MINDY3: variants seen among roughly 807,000 people sequenced by gnomAD.
The protein encoded by MINDY3 is ubiquitin carboxyl-terminal hydrolase MINDY-3.
Under a neutral mutation model 69.2 loss-of-function variants are expected in MINDY3, and 38 were observed. The observed-to-expected ratio is 0.55, with a 90% CI of 0.42 to 0.72. MINDY3 has a LOEUF of 0.72. MINDY3 is among the 30% of genes least tolerant of loss of function. MINDY3 has a pLI of 0.00. For missense variants in MINDY3, 522 were observed against 519.0 expected, an observed-to-expected ratio of 1.01 and a Z score of -0.06; for synonymous variants, 192 against 180.1, an observed-to-expected ratio of 1.07 and a Z score of -0.53.
chr10:15,817,283 A>G (rs1177035909), intron 9 of MINDY3: 1 of 167,750 alleles, frequency 6.0e-6, no homozygotes, highest in Middle Eastern at 2.5e-3. Flanking sequence ...ACTTGACGAT[A>G]ATAACTTTAT....
intron 10 of MINDY3, among the ~76,000 whole-genome samples, chr10:15,802,086 T>TTAATC: frequency 6.6e-6 from 1 of 151,896 alleles, no homozygotes; most frequent in Non-Finnish European, 1.5e-5. Context: ...AAAATATGTG[T>TTAATC]TAATCTACTG....
intron 8 of MINDY3, among the ~76,000 whole-genome samples, chr10:15,830,242 T>C (rs1840363423): frequency 6.6e-6 from 1 of 152,186 alleles, no homozygotes; most frequent in African/African-American, 2.4e-5. Flanking sequence ...GCAGACAAGT[T>C]TGAGAACCAG....
At chr10:15,798,911 T>C (rs1475692967) in intron 10 of MINDY3, among the ~76,000 whole-genome samples, 5 of 152,082 alleles carry the variant, frequency 3.3e-5, no homozygotes, top group African/African-American at 7.2e-5. Flanking sequence ...TCACCTGCTA[T>C]AGAAAGAGCA....
intron 10 of MINDY3, among the ~76,000 whole-genome samples, chr10:15,812,525 T>C (rs1839076910): frequency 6.6e-6 from 1 of 152,186 alleles, no homozygotes; most frequent in Non-Finnish European, 1.5e-5. Context: ...AGAATAGATG[T>C]GGGTCAAAGG....
intron 1 of MINDY3, among the ~76,000 whole-genome samples, chr10:15,854,485 A>G (rs1248105461): frequency 6.6e-6 from 1 of 152,142 alleles, no homozygotes; most frequent in African/African-American, 2.4e-5. Flanking sequence ...GAAGTCCTCA[A>G]TCATTTTTAA....
chr10:15,848,633 C>CAAAAAAAAAAAAAA lies in MINDY3; in HGVS notation c.95-704_95-691dup, dbSNP rs10719399. Among the ~76,000 whole-genome samples, 46 of 48,810 alleles carry CAAAAAAAAAAAAAA rather than the reference C, an allele frequency of 9.4e-4. 2 individuals carry two copies. The highest frequency in any genetic ancestry group is 2.7e-3 in the African/African-American group (19 of 7,164). The allele number at this position is 48,810 out of a possible 152,430, so 32.0% of individuals were successfully genotyped here. A position where few individuals can be genotyped will look rare whatever the true frequency, so the allele number is the denominator to read the frequency against. ...TGGGCCACAGAGCTAGACTTCATCT[C>CAAAAAAAAAAAAAA]AAAAAAAAAAAAAAAAAAAAAAAAA... is the stretch of plus-strand genomic sequence containing the variant. On this transcript the variant is annotated intron_variant, in intron 1 of 14. Transcript: ENST00000277632.
chr10:15,794,303 T>A (rs561701594), intron 11 of MINDY3, among the ~76,000 whole-genome samples: 2 of 152,056 alleles, frequency 1.3e-5, no homozygotes, highest in Non-Finnish European at 2.9e-5. Flanking sequence ...AGCATATCAT[T>A]TGGGGAAAGA....
intron 2 of MINDY3, among the ~76,000 whole-genome samples, chr10:15,844,046 T>C (rs1055839848): frequency 1.3e-5 from 2 of 152,146 alleles, no homozygotes; most frequent in African/African-American, 4.8e-5. Context: ...TTAGGAAGAC[T>C]GCTTTTTATC....
chr10:15,786,754 C>T (rs1199515292), intron 12 of MINDY3, 106 bp from the exon 13 acceptor site: 2 of 701,366 alleles, frequency 2.9e-6, no homozygotes, highest in Non-Finnish European at 5.1e-6. Context: ...CTGCCAAAAA[C>T]ACTAAGAGCT....
chr10:15,789,155 T>C lies in MINDY3; in HGVS notation c.1028+92A>G, dbSNP rs898464893. ...TTGCTATGCTTCATATATGCAGATA[T>C]AGATTTTTAAAAAGGCAAAAAATGT... On this transcript the variant is annotated intron_variant, in intron 12 of 14. Transcript: ENST00000277632. 75 of 868,362 alleles carry C rather than the reference T, an allele frequency of 8.6e-5. No individual in the cohort carries two copies. In the Admixed American group the frequency reaches 1.1e-3, roughly 12 times the overall value. The allele number at this position is 868,362 out of a possible 1,614,324, so 53.8% of individuals were successfully genotyped here. A position where few individuals can be genotyped will look rare whatever the true frequency, so the allele number is the denominator to read the frequency against.
chr10:15,843,996 G>C (rs770025158), intron 2 of MINDY3, among the ~76,000 whole-genome samples: 1 of 152,066 alleles, frequency 6.6e-6, no homozygotes, highest in Non-Finnish European at 1.5e-5. Context: ...TTACAATGAC[G>C]ACTTTTCCTC....
chr10:15,782,649 C>G (rs142732538), intron 13 of MINDY3, among the ~76,000 whole-genome samples: 2,693 of 152,164 alleles, frequency 0.018, 90 homozygotes, highest in African/African-American at 0.061. Context: ...CCAGTATGTA[C>G]CAATACTTCC....
chr10:15,849,354 A>G (rs72781886), intron 1 of MINDY3, among the ~76,000 whole-genome samples: 36 of 152,084 alleles, frequency 2.4e-4, no homozygotes, highest in African/African-American at 8.0e-4. Flanking sequence ...GGGCGGCAGG[A>G]AAGATGACAA....
At chr10:15,799,201 CATTT>C (rs759928581) in intron 10 of MINDY3, among the ~76,000 whole-genome samples, 4 of 151,726 alleles carry the variant, frequency 2.6e-5, no homozygotes, top group Non-Finnish European at 5.9e-5. Flanking sequence ...AATGCTCTAA[CATTT>C]ATTTATTTTT....
chr10:15,828,636 A>G (rs1176724385), intron 8 of MINDY3, among the ~76,000 whole-genome samples: 1 of 152,208 alleles, frequency 6.6e-6, no homozygotes, highest in African/African-American at 2.4e-5. Context: ...ACTTTTAGAA[A>G]TCTAACCTGT....
At chr10:15,838,406 A>T in intron 4 of MINDY3, 127 bp from the exon 5 acceptor site, 1 of 682,620 alleles carries the variant, frequency 1.5e-6, no homozygotes, top group Non-Finnish European at 2.2e-6. Context: ...TAAAATTCTC[A>T]GTTTATTTTC....
At chr10:15,813,147 C>G (rs1414472646) in intron 10 of MINDY3, among the ~76,000 whole-genome samples, 1 of 152,122 alleles carries the variant, frequency 6.6e-6, no homozygotes, top group South Asian at 2.1e-4. Flanking sequence ...AAACTACTCC[C>G]ACTACCAATT....
chr10:15,834,497 A>G (rs1282865502), intron 7 of MINDY3, 46 bp downstream of exon 7: 1 of 1,370,830 alleles, frequency 7.3e-7, no homozygotes, highest in Admixed American at 1.8e-5. Flanking sequence ...TCAAGTTTCT[A>G]AAAACTGGAG....
chr10:15,833,544 G>A (rs912465541), intron 8 of MINDY3, 86 bp downstream of exon 8: 3 of 858,558 alleles, frequency 3.5e-6, no homozygotes, highest in Non-Finnish European at 5.8e-6. Context: ...GTAATGTAGA[G>A]CCATTAAATA....
Sources: allele counts gnomAD v4.1 joint callset (sites outside exome capture counted in the v4.1 genomes callset), GRCh38; gene constraint gnomAD v4.1.1; transcripts MANE v1.5; gene names NCBI Gene and HGNC (gene_info 2026-07-23, HGNC 2026-07-21).